Variants in KIF13B observed in about 807,000 individuals in gnomAD.
KIF13B encodes kinesin family member 13B.
A neutral mutation model predicts 222.0 loss-of-function variants in KIF13B; 127 were observed. That is an observed-to-expected ratio of 0.57 (90% CI 0.50 to 0.66). KIF13B has a LOEUF of 0.66. Among genes scored for constraint, KIF13B ranks in the 30% least tolerant of loss-of-function variants. KIF13B has a pLI of 0.00. For missense variants in KIF13B, 2,173 were observed against 2,379.0 expected (o/e 0.91, Z 1.80); for synonymous variants, 976 against 919.0 (o/e 1.06, Z -1.12).
chr8:29,151,679 T>G (rs1255076870), intron 14 of KIF13B, among the ~76,000 whole-genome samples: 1 of 152,236 alleles, frequency 6.6e-6, no homozygotes, highest in Non-Finnish European at 1.5e-5. Flanking sequence ...AGCCCACTGT[T>G]GAGACCTAAT....
In KIF13B at chr8:29,180,031, C is replaced by A. The variant is rs1246527772; in HGVS notation, c.720+73G>T. 2.0e-5 allele frequency: 31 copies of A among 1,550,248 alleles called. No individual in the cohort carries two copies. In the East Asian group the frequency reaches 5.8e-4, roughly 29 times the overall value. ...AGCCAGGACTTTAATTCATCTAACA[C>A]CTGAAGAGGAAAAAAATAAAACCAC... On this transcript the variant is annotated intron_variant, in intron 8 of 39. Coordinates refer to ENST00000524189, the MANE Select transcript of KIF13B (RefSeq NM_015254.4).
At chr8:29,246,399 G>GA (rs763594107) in intron 1 of KIF13B, among the ~76,000 whole-genome samples, 3 of 145,032 alleles carry the variant, frequency 2.1e-5, no homozygotes, top group Non-Finnish European at 4.6e-5. Context: ...AGAAAAGAAA[G>GA]AAAAACACAA....
intron 10 of KIF13B, among the ~76,000 whole-genome samples, chr8:29,174,726 C>G (rs943881659): frequency 6.6e-6 from 1 of 152,080 alleles, no homozygotes; most frequent in African/African-American, 2.4e-5. Flanking sequence ...AGTAATGGAC[C>G]TGATATTCTA....
rs188587976 is a variant in KIF13B, at chr8:29,161,821, T to C, written c.1270-954A>G. ...GAGCAGACGTGTTCTACTTCGTAAC[T>C]GTTCACCGGGCCATTTCTCTCACAC... On this transcript the variant is annotated intron_variant, in intron 12 of 39. Transcript: ENST00000524189. Among the ~76,000 whole-genome samples the C allele has an allele frequency of 4.2e-4, 64 of 152,210 alleles. 1 individual carries two copies. The highest frequency in any genetic ancestry group is 1.5e-3 in the African/African-American group (63 of 41,540).
intron 13 of KIF13B, among the ~76,000 whole-genome samples, chr8:29,156,592 A>G (rs1811538052): frequency 6.6e-6 from 1 of 151,692 alleles, no homozygotes; most frequent in Non-Finnish European, 1.5e-5. Context: ...CATGCTCACT[A>G]AACCTCACCT....
chr8:29,221,437 C>T (rs1814746572), intron 2 of KIF13B, among the ~76,000 whole-genome samples: 1 of 148,810 alleles, frequency 6.7e-6, no homozygotes, highest in Non-Finnish European at 1.5e-5. Flanking sequence ...TGCACTCCAG[C>T]TTGGGCAACA....
rs35504692 is a variant in KIF13B at position 29,123,416 on chromosome 8, C to T, written c.3429G>A (p.Ala1143=). 16,053 of 1,614,004 alleles carry T rather than the reference C, an allele frequency of 9.9e-3. 274 individuals are homozygous for T. Among genetic ancestry groups the T allele is most frequent in the South Asian group, 0.052 (4,772 of 91,076 alleles). The change falls in exon 28 of 40, where the codon GCG becomes GCA. Residue 1143 remains alanine, a synonymous_variant. Coordinates refer to ENST00000524189, the MANE Select transcript of KIF13B (RefSeq NM_015254.4). ...CACTGCCAGCAGAGGGGACCATCACCGCGTTCCTCTCCTCAGTTAGGGTCA... is the reference window on the plus strand; with the variant it reads ...CACTGCCAGCAGAGGGGACCATCACTGCGTTCCTCTCCTCAGTTAGGGTCA... ...MRLTLTEERN[A]VMVPSAGSGI...
chr8:29,125,357 T>C (rs1220306226), intron 26 of KIF13B, among the ~76,000 whole-genome samples: 2 of 152,192 alleles, frequency 1.3e-5, no homozygotes, highest in South Asian at 2.1e-4. Context: ...AGATATAGTG[T>C]GTCTGGGCTT....
At position 29,123,393 on chromosome 8, in the gene KIF13B, C is replaced by G. The variant is rs1429423049; in HGVS notation, c.3452G>C (p.Ser1151Thr). 2.5e-6 allele frequency: 4 copies of G among 1,614,048 alleles called. No homozygotes were observed. The South Asian group carries it at 4.4e-5, about 18-fold the overall frequency. ...RNAVMVPSAG[S>T]GIPGAPAEWT... ...TTCTGCTGGGGCCCCTGGAATACCA[C>G]TGCCAGCAGAGGGGACCATCACCGC... The change falls in exon 28 of 40, where the codon AGT becomes ACT. Residue 1151 changes from serine to threonine, a missense_variant. Ser to Thr is a moderately conservative substitution (Grantham distance 58). This residue lies in a region of KIF13B where 1,480 missense variants were observed against 1,722.8 expected (regional missense o/e 0.86). Transcript: ENST00000524189.
In KIF13B at chr8:29,160,644, G is replaced by A. The variant is rs569085322; in HGVS notation, c.1404+89C>T. 16 of 1,254,930 alleles carry A rather than the reference G, an allele frequency of 1.3e-5. No individual in the cohort carries two copies. The South Asian group carries it at 2.8e-4, about 22-fold the overall frequency. The allele number at this position is 1,254,930 out of a possible 1,614,324, so 77.7% of individuals were successfully genotyped here. Reference sequence around the variant, plus strand: ...TCTATAACTTTTTGCTGTTTTCTGAGTAAGCATGGTTCCCCAAGTTTACTA... The same window carrying A: ...TCTATAACTTTTTGCTGTTTTCTGAATAAGCATGGTTCCCCAAGTTTACTA... On this transcript the variant is annotated intron_variant, in intron 13 of 39. Coordinates refer to ENST00000524189, the MANE Select transcript of KIF13B (RefSeq NM_015254.4).
At chr8:29,099,056 G>T in intron 36 of KIF13B, 77 bp downstream of exon 36, 1 of 1,131,746 alleles carries the variant, frequency 8.8e-7, no homozygotes, top group Non-Finnish European at 1.4e-6. Flanking sequence ...TGGCTGCCTG[G>T]CAGGAAATTC....
At chr8:29,123,731 G>A (rs1809982931) in intron 27 of KIF13B, among the ~76,000 whole-genome samples, 1 of 152,156 alleles carries the variant, frequency 6.6e-6, no homozygotes, top group Non-Finnish European at 1.5e-5. Flanking sequence ...CAGAGGACTC[G>A]AGCCCTTTGG....
intron 18 of KIF13B, chr8:29,146,050 T>C (rs1168370203): frequency 3.4e-5 from 18 of 531,804 alleles, no homozygotes; most frequent in Non-Finnish European, 3.3e-6. Context: ...AGTGGTAGCA[T>C]AAGGAAGGAA....
chr8:29,094,963 A>G (rs1309957575), intron 36 of KIF13B, among the ~76,000 whole-genome samples: 3 of 130,742 alleles, frequency 2.3e-5, no homozygotes, highest in Admixed American at 1.6e-4. Context: ...AGAAAAAATA[A>G]AAAGATTAAA....
chr8:29,150,557 T>A (rs1186504846), intron 14 of KIF13B, among the ~76,000 whole-genome samples, 174 bp from the exon 15 acceptor site: 1 of 152,234 alleles, frequency 6.6e-6, no homozygotes, highest in Non-Finnish European at 1.5e-5. Flanking sequence ...TCACCTAAAA[T>A]GTTTATGGTA....
intron 21 of KIF13B, among the ~76,000 whole-genome samples, chr8:29,135,767 T>C (rs1468126742): frequency 6.6e-6 from 1 of 152,166 alleles, no homozygotes; most frequent in Non-Finnish European, 1.5e-5. Flanking sequence ...TGGTGGCACA[T>C]GCCTGTAGTC....
intron 8 of KIF13B, 151 bp downstream of exon 8, chr8:29,179,953 G>A: frequency 1.2e-6 from 1 of 813,810 alleles, no homozygotes; most frequent in Admixed American, 2.7e-5. Flanking sequence ...CCTTTCTATT[G>A]ACCTAGAGGA....
intron 15 of KIF13B, among the ~76,000 whole-genome samples, chr8:29,149,308 C>G (rs1197670923): frequency 6.6e-6 from 1 of 152,232 alleles, no homozygotes; most frequent in Non-Finnish European, 1.5e-5. Context: ...GCTCCATGCT[C>G]TTTGTGCCCA....
At chr8:29,188,173 A>G (rs1813023435) in intron 5 of KIF13B, among the ~76,000 whole-genome samples, 1 of 152,152 alleles carries the variant, frequency 6.6e-6, no homozygotes, top group Non-Finnish European at 1.5e-5. Flanking sequence ...ATTAACAAGT[A>G]TGTTCTTTTT....
Sources: allele counts gnomAD v4.1 joint callset (sites outside exome capture counted in the v4.1 genomes callset), GRCh38; gene constraint gnomAD v4.1.1; regional missense constraint gnomAD v4.1.1; transcripts MANE v1.5; gene names NCBI Gene and HGNC (gene_info 2026-07-23, HGNC 2026-07-21).